Variants in SCTR observed in about 807,000 individuals in gnomAD.
SCTR encodes the protein pancreatic secretin receptor.
Under a neutral mutation model 60.8 loss-of-function variants are expected in SCTR, and 56 were observed. The ratio of observed to expected loss-of-function variants is 0.92; its 90% CI spans 0.74 to 1.15. The LOEUF is 1.15. Among genes scored for constraint, SCTR ranks in the 50% most tolerant of loss-of-function variants. SCTR has a pLI of 0.00. For synonymous variants in SCTR, 202 were observed against 217.0 expected, an observed-to-expected ratio of 0.93 and a Z score of 0.61; for missense variants, 562 against 550.4, an observed-to-expected ratio of 1.02 and a Z score of -0.21.
chr2:119,513,669 A>G (rs2860796), intron 1 of SCTR, among the ~76,000 whole-genome samples: 37,715 of 152,044 alleles, frequency 0.25, 4,839 homozygotes, highest in Admixed American at 0.26. Flanking sequence ...TTTTAAATCC[A>G]CTTTCTTTTT....
At chr2:119,467,216 CA>C (rs1290114806) in intron 4 of SCTR, among the ~76,000 whole-genome samples, 3 of 151,304 alleles carry the variant, frequency 2.0e-5, no homozygotes, top group Non-Finnish European at 3.0e-5. Flanking sequence ...CTGTCTCTAC[CA>C]AAAATACAAA....
In SCTR at chr2:119,506,283, A is replaced by G. The variant is rs549757037; in HGVS notation, c.73-11735T>C. On this transcript the variant is annotated intron_variant, in intron 1 of 12. Transcript: ENST00000019103. ...TGTTTTCCAATGGGTAAGCAGTTCAATAAACTGTGGTACATTCATACTATG... is the reference window on the plus strand; with the variant it reads ...TGTTTTCCAATGGGTAAGCAGTTCAGTAAACTGTGGTACATTCATACTATG... 9.8e-5 allele frequency among the ~76,000 whole-genome samples: 15 copies of G among 152,348 alleles called. No individual in the cohort carries two copies. In the South Asian group the frequency reaches 2.3e-3, roughly 23 times the overall value.
At chr2:119,471,410 A>G (rs545996589) in intron 4 of SCTR, among the ~76,000 whole-genome samples, 2 of 152,234 alleles carry the variant, frequency 1.3e-5, no homozygotes, top group African/African-American at 2.4e-5. Context: ...GAATCTCCTT[A>G]TTAAATCATC....
intron 1 of SCTR, among the ~76,000 whole-genome samples, chr2:119,498,917 C>A (rs1325583662): frequency 6.6e-6 from 1 of 151,924 alleles, no homozygotes; most frequent in Non-Finnish European, 1.5e-5. Flanking sequence ...TCTAAACACA[C>A]CAATTTTAAA....
At position 119,473,561 on chromosome 2, in the gene SCTR, G is replaced by A. The variant is rs1474848897; in HGVS notation, c.302-5C>T. ...TGCAGTTTCGGAACAAGGAACCTGT[G>A]GGTGCCAAGAGTCCTGTAGGTGAGC... is the stretch of plus-strand genomic sequence containing the variant. On this transcript the variant is annotated splice_region_variant and splice_polypyrimidine_tract_variant and intron_variant, in intron 3 of 12. Transcript: ENST00000019103. 6 of 1,605,318 alleles carry A rather than the reference G, an allele frequency of 3.7e-6. No homozygotes were observed. The East Asian group carries it at 8.9e-5, about 24-fold the overall frequency.
At position 119,461,945 on chromosome 2, in the gene SCTR, G is replaced by C. The variant is rs145809237; in HGVS notation, c.692C>G (p.Ser231Cys). ...GTAGAGGCCTTCCACCAGCAGCCAG[G>C]AGTAGTTGGCCATGATGCAGTACTG... ...LFQYCIMANYSWLLVEGLYLH... is the reference protein window; with the variant it reads ...LFQYCIMANYCWLLVEGLYLH... The change falls in exon 7 of 13, where the codon TCC becomes TGC. Residue 231 changes from serine to cysteine, a missense_variant. Ser to Cys is a moderately radical substitution (Grantham distance 112, BLOSUM62 -1). Coordinates refer to ENST00000019103, the MANE Select transcript of SCTR (RefSeq NM_002980.3). 1.5e-5 allele frequency: 24 copies of C among 1,613,910 alleles called. No homozygotes were observed. The highest frequency in any genetic ancestry group is 1.1e-5 in the Non-Finnish European group (13 of 1,179,982).
intron 1 of SCTR, among the ~76,000 whole-genome samples, chr2:119,511,480 GT>G (rs1678928975): frequency 6.6e-6 from 1 of 152,098 alleles, no homozygotes; most frequent in South Asian, 2.1e-4. Flanking sequence ...TGTACATTTT[GT>G]TTTTCCTGAG....
Position 119,440,078 on chromosome 2 carries a change from C to T in SCTR, c.*39G>A. On this transcript the variant is annotated 3_prime_UTR_variant, in exon 13 of 13. Transcript: ENST00000019103. ...GCAGTGCCCAGCCTTCGCAGGACCTCTCTTGGTCTCTGTCCGTGGGTGACC... is the reference window on the plus strand; with the variant it reads ...GCAGTGCCCAGCCTTCGCAGGACCTTTCTTGGTCTCTGTCCGTGGGTGACC... The T allele has an allele frequency of 1.9e-6, 3 of 1,599,506 alleles. No homozygotes were observed. Among genetic ancestry groups the T allele is most frequent in the South Asian group, 1.1e-5 (1 of 89,254 alleles).
At chr2:119,461,728 AAAAAG>A in intron 7 of SCTR, 114 bp downstream of exon 7, 2 of 759,304 alleles carry the variant, frequency 2.6e-6, no homozygotes, top group African/African-American at 1.8e-5. Flanking sequence ...AAAAAAAAAA[AAAAAG>A]ATTACACAAG....
At chr2:119,448,949 G>C (rs1444225166) in intron 9 of SCTR, among the ~76,000 whole-genome samples, 169 bp from the exon 10 acceptor site, 1 of 152,020 alleles carries the variant, frequency 6.6e-6, no homozygotes, top group African/African-American at 2.4e-5. Context: ...CCCAGTCCTG[G>C]TGAAACACTG....
intron 1 of SCTR, among the ~76,000 whole-genome samples, chr2:119,513,236 A>C (rs974114684): frequency 6.6e-6 from 1 of 152,168 alleles, no homozygotes; most frequent in Non-Finnish European, 1.5e-5. Flanking sequence ...TCATTTTCCA[A>C]AGATTTCTGG....
In SCTR at chr2:119,524,283, C is replaced by T; in HGVS notation, c.-57G>A. On this transcript the variant is annotated 5_prime_UTR_variant, in exon 1 of 13. Coordinates refer to ENST00000019103, the MANE Select transcript of SCTR (RefSeq NM_002980.3). ...CGTCCGCCTGCCCGTGCCCTCTGCCCGCTCGGGAGCTCAGCGCCCCGCGCA... is the reference window on the plus strand; with the variant it reads ...CGTCCGCCTGCCCGTGCCCTCTGCCTGCTCGGGAGCTCAGCGCCCCGCGCA... 8.5e-7 allele frequency: 1 copy of T among 1,180,862 alleles called. No individual in the cohort carries two copies. Among genetic ancestry groups the T allele is most frequent in the Non-Finnish European group, 1.1e-6 (1 of 899,376 alleles). 73.1% of individuals were successfully genotyped at this position (1,180,862 alleles called of 1,614,324 possible).
chr2:119,454,213 G>A (rs1484656361), intron 7 of SCTR, among the ~76,000 whole-genome samples: 2 of 152,158 alleles, frequency 1.3e-5, no homozygotes, highest in Non-Finnish European at 2.9e-5. Flanking sequence ...CTAGGGCCAG[G>A]GCACCCGGTA....
chr2:119,456,436 A>T (rs1167742544), intron 7 of SCTR, among the ~76,000 whole-genome samples: 2 of 152,216 alleles, frequency 1.3e-5, no homozygotes, highest in East Asian at 1.9e-4. Context: ...ACATGGGATT[A>T]AAAAAATGTT....
chr2:119,522,251 G>A (rs1253942607), intron 1 of SCTR, among the ~76,000 whole-genome samples: 1 of 151,950 alleles, frequency 6.6e-6, no homozygotes. Context: ...AGCCAAGATC[G>A]CGCCACTGCG....
intron 2 of SCTR, 39 bp downstream of exon 2, chr2:119,494,389 A>AC (rs1266925263): frequency 6.2e-7 from 1 of 1,605,038 alleles, no homozygotes; most frequent in Admixed American, 1.7e-5. Flanking sequence ...GACATGCTCC[A>AC]CCCCCAAGAG....
chr2:119,514,767 A>G (rs1267145774), intron 1 of SCTR, among the ~76,000 whole-genome samples: 1 of 152,048 alleles, frequency 6.6e-6, no homozygotes, highest in Admixed American at 6.6e-5. Flanking sequence ...AATCCCAGCC[A>G]CTCAGGAAGC....
chr2:119,466,013 G>T (rs72833281), intron 4 of SCTR, 127 bp from the exon 5 acceptor site: 13,277 of 644,642 alleles, frequency 0.021, 253 homozygotes, highest in South Asian at 0.057. Flanking sequence ...CCTCAAGGAC[G>T]CCAATTCACA....
rs191322400 is a variant in SCTR, at chr2:119,511,204, C to T, written c.72+12951G>A. Among the ~76,000 whole-genome samples the T allele has an allele frequency of 3.8e-4, 57 of 151,508 alleles. No individual in the cohort carries two copies. The South Asian group carries it at 4.2e-3, about 11-fold the overall frequency. On this transcript the variant is annotated intron_variant, in intron 1 of 12. Coordinates refer to ENST00000019103, the MANE Select transcript of SCTR (RefSeq NM_002980.3). ...GGTGAAAGAGCAATCTCTTTGAGATCTCCGTCTCAAAAAAAAAAAATTATA... is the reference window on the plus strand; with the variant it reads ...GGTGAAAGAGCAATCTCTTTGAGATTTCCGTCTCAAAAAAAAAAAATTATA...
Sources: gnomAD v4.1 joint callset for allele counts (sites outside exome capture counted in the v4.1 genomes callset) on GRCh38, gnomAD v4.1.1 for gene constraint, MANE v1.5 for transcripts, NCBI Gene and HGNC (gene_info 2026-07-23, HGNC 2026-07-21) for gene names.